The following DRC11 variants were observed in gnomAD, a reference collection of about 807,000 sequenced individuals.
DRC11 encodes the protein dynein regulatory complex subunit 11.
At chr2:236,390,225 T>A in the DRC11 span, among the ~76,000 whole-genome samples, 1 of 152,218 alleles carries the variant, frequency 6.6e-6, no homozygotes, top group Non-Finnish European at 1.5e-5. The surrounding 1 kb of genome is among the most constrained non-coding windows in gnomAD (Gnocchi z 5.9). Flanking sequence ...TAGTTAATGA[T>A]CTTTTTGGTT....
At chr2:236,347,245 T>C in the DRC11 span, among the ~76,000 whole-genome samples, 1 of 152,172 alleles carries the variant, frequency 6.6e-6, no homozygotes, top group East Asian at 1.9e-4. Context: ...TTTTTTGGCA[T>C]GATCAGGGAA....
the DRC11 span, among the ~76,000 whole-genome samples, chr2:236,479,163 T>A: frequency 6.8e-4 from 104 of 152,314 alleles, no homozygotes; most frequent in African/African-American, 2.5e-3. The surrounding 1 kb of genome is among the most constrained non-coding windows in gnomAD (Gnocchi z 4.1). Context: ...GTATACATAT[T>A]CCTGTCCTTT....
At chr2:236,344,181 G>A in the DRC11 span, among the ~76,000 whole-genome samples, 1 of 152,296 alleles carries the variant, frequency 6.6e-6, no homozygotes, top group Non-Finnish European at 1.5e-5. Context: ...GAGGGTCTTT[G>A]TTCATCAATT....
chr2:236,443,700 A>G, the DRC11 span, among the ~76,000 whole-genome samples: 26 of 152,192 alleles, frequency 1.7e-4, no homozygotes, highest in African/African-American at 6.3e-4. This position sits in a 1 kb window ranked among gnomAD's most constrained non-coding sequence, Gnocchi z 4.4. Context: ...AGATATCTGT[A>G]TAATAGAATT....
At chr2:236,383,451 T>C in the DRC11 span, among the ~76,000 whole-genome samples, 1 of 152,162 alleles carries the variant, frequency 6.6e-6, no homozygotes, top group Non-Finnish European at 1.5e-5. Flanking sequence ...ATTTCTGCTC[T>C]AATCTTTGTT....
the DRC11 span, among the ~76,000 whole-genome samples, chr2:236,383,633 ATTTT>A: frequency 1.6e-5 from 2 of 122,646 alleles, no homozygotes; most frequent in African/African-American, 2.9e-5. Context: ...TTGTGTGGTC[ATTTT>A]TTTTTTTTTT....
chr2:236,410,006 T>C, the DRC11 span, among the ~76,000 whole-genome samples: 9 of 152,300 alleles, frequency 5.9e-5, no homozygotes, highest in Admixed American at 5.2e-4. Context: ...CTGGATTCGG[T>C]TTGCCAGCAT....
At chr2:236,351,426 G>A in the DRC11 span, among the ~76,000 whole-genome samples, 1 of 152,150 alleles carries the variant, frequency 6.6e-6, no homozygotes, top group Admixed American at 6.5e-5. The surrounding 1 kb of genome is among the most constrained non-coding windows in gnomAD (Gnocchi z 7.3). Context: ...CACCCTTCCT[G>A]GGCCAGGAGC....
the DRC11 span, among the ~76,000 whole-genome samples, chr2:236,442,981 G>A: frequency 6.6e-6 from 1 of 152,148 alleles, no homozygotes; most frequent in South Asian, 2.1e-4. Flanking sequence ...GGCTGGTTCA[G>A]TCTGAGCCTT....
chr2:236,400,023 T>C, the DRC11 span, among the ~76,000 whole-genome samples: 1 of 152,202 alleles, frequency 6.6e-6, no homozygotes, highest in Non-Finnish European at 1.5e-5. The surrounding 1 kb of genome is among the most constrained non-coding windows in gnomAD (Gnocchi z 7.9). Flanking sequence ...GGCCTGGTCC[T>C]GTCTTCTCAT....
chr2:236,307,982 C>T, the DRC11 span, among the ~76,000 whole-genome samples: 26 of 151,480 alleles, frequency 1.7e-4, no homozygotes, highest in African/African-American at 5.3e-4. This position sits in a 1 kb window ranked among gnomAD's most constrained non-coding sequence, Gnocchi z 7.0. Flanking sequence ...GTGACACAAG[C>T]GTCCTCGTGT....
chr2:236,341,135 GT>G, the DRC11 span, among the ~76,000 whole-genome samples: 1 of 152,214 alleles, frequency 6.6e-6, no homozygotes, highest in African/African-American at 2.4e-5. Flanking sequence ...CTATTCTGCA[GT>G]TAGCTCCACA....
the DRC11 span, among the ~76,000 whole-genome samples, chr2:236,459,045 A>T: frequency 6.6e-6 from 1 of 152,168 alleles, no homozygotes; most frequent in Admixed American, 6.5e-5. Context: ...ACTGAGGCTC[A>T]AAAAACAAAA....
the DRC11 span, among the ~76,000 whole-genome samples, chr2:236,356,965 T>C: frequency 7.2e-5 from 8 of 110,904 alleles, 2 homozygotes; most frequent in Non-Finnish European, 1.5e-4. Context: ...CATAAATATA[T>C]ATATTATATA....
chr2:236,310,516 A>G, the DRC11 span, among the ~76,000 whole-genome samples: 1 of 152,200 alleles, frequency 6.6e-6, no homozygotes, highest in Non-Finnish European at 1.5e-5. The surrounding 1 kb of genome is among the most constrained non-coding windows in gnomAD (Gnocchi z 5.5). Context: ...AAGTCACTTG[A>G]TGTCATGAGG....
the DRC11 span, among the ~76,000 whole-genome samples, chr2:236,379,043 G>A: frequency 6.6e-6 from 1 of 152,260 alleles, no homozygotes; most frequent in South Asian, 2.1e-4. Flanking sequence ...TGCTTGCCAG[G>A]GCCGCGGCAG....
chr2:236,413,592 G>A, the DRC11 span, among the ~76,000 whole-genome samples: 1 of 152,218 alleles, frequency 6.6e-6, no homozygotes, highest in Non-Finnish European at 1.5e-5. The surrounding 1 kb of genome is among the most constrained non-coding windows in gnomAD (Gnocchi z 4.0). Flanking sequence ...GATTGGAGAG[G>A]AGGAGCTGTG....
the DRC11 span, among the ~76,000 whole-genome samples, chr2:236,350,117 C>T: frequency 3.3e-5 from 5 of 152,342 alleles, no homozygotes; most frequent in Admixed American, 6.5e-5. The surrounding 1 kb of genome is among the most constrained non-coding windows in gnomAD (Gnocchi z 5.2). Flanking sequence ...AAACAGGAGT[C>T]GCCCTAACTT....
the DRC11 span, among the ~76,000 whole-genome samples, chr2:236,400,866 C>T: frequency 6.6e-6 from 1 of 152,194 alleles, no homozygotes; most frequent in Admixed American, 6.5e-5. This position sits in a 1 kb window ranked among gnomAD's most constrained non-coding sequence, Gnocchi z 7.9. Flanking sequence ...TCCCCATGGC[C>T]AAGCAATCAC....
Sources: gnomAD v4.1 joint callset for allele counts (sites outside exome capture counted in the v4.1 genomes callset) on GRCh38, gnomAD v4.1.1 for gene constraint, Gnocchi (gnomAD v3.1) non-coding constraint, MANE v1.5 for transcripts, NCBI Gene and HGNC (gene_info 2026-07-23, HGNC 2026-07-21) for gene names.